TRIM69: variants seen among roughly 807,000 people sequenced by gnomAD.
The protein encoded by TRIM69 is E3 ubiquitin-protein ligase TRIM69.
Under a neutral mutation model 37.7 loss-of-function variants are expected in TRIM69, and 29 were observed. The ratio of observed to expected loss-of-function variants is 0.77; its 90% CI spans 0.57 to 1.05. The LOEUF is 1.05. TRIM69 is among the 50% of genes least tolerant of loss of function. TRIM69 has a pLI of 0.00. For missense variants in TRIM69, 596 were observed against 579.9 expected (o/e 1.03, Z -0.28); for synonymous variants, 209 against 212.4 (o/e 0.98, Z 0.14).
intron 1 of TRIM69, 109 bp downstream of exon 1, chr15:44,736,819 G>C (rs1028972861): frequency 7.5e-7 from 1 of 1,334,590 alleles, no homozygotes; most frequent in African/African-American, 1.5e-5. Context: ...AATTCATGAA[G>C]GGAAGTATTT....
At chr15:44,742,773 C>T (rs1419269472) in intron 1 of TRIM69, among the ~76,000 whole-genome samples, 1 of 148,642 alleles carries the variant, frequency 6.7e-6, no homozygotes, top group Non-Finnish European at 1.5e-5. Flanking sequence ...TGAATGACCT[C>T]TTCAAGGAGA....
At chr15:44,738,050 C>CTTTTTTTTTTTTTT (rs772041054) in intron 1 of TRIM69, among the ~76,000 whole-genome samples, 3 of 118,018 alleles carry the variant, frequency 2.5e-5, no homozygotes, top group African/African-American at 1.0e-4. Flanking sequence ...TACTTTCTTT[C>CTTTTTTTTTTTTTT]TTTCTTTTTT....
chr15:44,765,990 C>T (rs2087880018), intron 6 of TRIM69, among the ~76,000 whole-genome samples: 1 of 152,128 alleles, frequency 6.6e-6, no homozygotes, highest in African/African-American at 2.4e-5. Flanking sequence ...AGCTTTCAAC[C>T]TCTCTTCATT....
chr15:44,743,045 T>C (rs1388556571), intron 1 of TRIM69, among the ~76,000 whole-genome samples: 2 of 151,906 alleles, frequency 1.3e-5, no homozygotes, highest in Non-Finnish European at 1.5e-5. Context: ...AGAGGCATCA[T>C]GCTACCTGAC....
chr15:44,767,254 C>T lies in TRIM69; in HGVS notation c.985C>T (p.Pro329Ser), dbSNP rs758490016. 2.5e-6 allele frequency: 4 copies of T among 1,613,554 alleles called. No individual in the cohort carries two copies. Among genetic ancestry groups the T allele is most frequent in the Non-Finnish European group, 3.4e-6 (4 of 1,179,898 alleles). Residue 329 changes from proline to serine, a missense_variant, in exon 7 of 7, where the codon CCT (proline) becomes TCT (serine). Transcript: ENST00000329464. ...CPGLSPLTLD[P>S]KTAHPNLVLS... is the part of the protein sequence containing the mutation. ...AGGCCTGTCTCCACTAACTCTGGAC[C>T]CTAAAACAGCTCACCCAAATCTGGT...
intron 6 of TRIM69, among the ~76,000 whole-genome samples, chr15:44,761,094 A>G (rs563294599): frequency 6.0e-5 from 9 of 150,802 alleles, no homozygotes; most frequent in African/African-American, 2.0e-4. Flanking sequence ...ATTTTTTTAT[A>G]TTTTCAGTAG....
chr15:44,765,231 A>C (rs936746897), intron 6 of TRIM69, among the ~76,000 whole-genome samples: 1 of 152,232 alleles, frequency 6.6e-6, no homozygotes, highest in Non-Finnish European at 1.5e-5. Context: ...GAGGACAAAA[A>C]GCTGACTCAT....
chr15:44,739,466 C>T (rs1160684964), intron 1 of TRIM69, among the ~76,000 whole-genome samples: 1 of 152,242 alleles, frequency 6.6e-6, no homozygotes, highest in African/African-American at 2.4e-5. Context: ...AGGGAGGTCC[C>T]TTTCCTAGTC....
intron 6 of TRIM69, 107 bp downstream of exon 6, chr15:44,759,979 G>A: frequency 7.3e-7 from 1 of 1,365,046 alleles, no homozygotes; most frequent in Non-Finnish European, 1.0e-6. Flanking sequence ...GGATAGGGAA[G>A]GGGTACAGTT....
At chr15:44,757,221 A>G (rs2087669493) in intron 3 of TRIM69, 1 of 152,182 alleles carries the variant, frequency 6.6e-6, no homozygotes. Context: ...TTTAACAAAT[A>G]TTTATTGAGT....
chr15:44,754,917 C>T lies in TRIM69; in HGVS notation c.24C>T (p.Ser8=). 6.2e-7 allele frequency: 1 copy of T among 1,612,122 alleles called. No homozygotes were observed. The highest frequency in any genetic ancestry group is 1.1e-5 in the South Asian group (1 of 90,912). ...TTCTAAAGGTATCCACCAACCCCTC[C>T]TCCAACATCGATCCAGGCGACTATG... MEVSTNP[S]SNIDPGDYVE... Residue 8 remains serine (S), a synonymous_variant, in exon 2 of 7, where the codon TCC becomes TCT. Transcript: ENST00000329464.
In TRIM69 at chr15:44,736,775, T is replaced by C. The variant is rs1270858532; in HGVS notation, c.6+65T>C. Reference sequence around the variant, plus strand: ...AGGAATAGTGTGGAAAACAGGATCATAGAAGAGGATATGGATTTAGGAGCA... The same window carrying C: ...AGGAATAGTGTGGAAAACAGGATCACAGAAGAGGATATGGATTTAGGAGCA... On this transcript the variant is annotated intron_variant, in intron 1 of 6. Transcript: ENST00000329464. The C allele has an allele frequency of 4.4e-6, 7 of 1,576,352 alleles. No individual in the cohort carries two copies. The East Asian group carries it at 6.7e-5, about 15-fold the overall frequency.
chr15:44,767,061 A>AAAAAAAAAAAAAAAAAAAAAAG (rs2087907455), intron 6 of TRIM69, among the ~76,000 whole-genome samples, 170 bp from the exon 7 acceptor site: 1 of 131,616 alleles, frequency 7.6e-6, no homozygotes, highest in Non-Finnish European at 1.6e-5. Context: ...CTCAAAAAAA[A>AAAAAAAAAAAAAAAAAAAAAAG]AAAAAAAAAA....
intron 1 of TRIM69, among the ~76,000 whole-genome samples, chr15:44,739,733 G>T (rs1047497383): frequency 6.6e-6 from 1 of 151,806 alleles, no homozygotes; most frequent in African/African-American, 2.4e-5. Context: ...CGGGAAGCTC[G>T]AACTGGGTGG....
chr15:44,760,980 C>T (rs897395922), intron 6 of TRIM69, among the ~76,000 whole-genome samples: 1 of 150,974 alleles, frequency 6.6e-6, no homozygotes, highest in Admixed American at 6.6e-5. Flanking sequence ...TGCAGTGGTG[C>T]CATCTCTGCT....
chr15:44,761,209 C>T (rs577658283), intron 6 of TRIM69, among the ~76,000 whole-genome samples: 41 of 152,256 alleles, frequency 2.7e-4, no homozygotes, highest in Non-Finnish European at 5.1e-4. Context: ...TGAGCCACTG[C>T]GCCAGGCCGC....
chr15:44,759,392 C>T (rs982176098), intron 4 of TRIM69, among the ~76,000 whole-genome samples: 1 of 152,148 alleles, frequency 6.6e-6, no homozygotes, highest in Non-Finnish European at 1.5e-5. Flanking sequence ...ATAGCTTAAC[C>T]TTAAGTATTG....
At chr15:44,740,495 T>A (rs943692321) in intron 1 of TRIM69, among the ~76,000 whole-genome samples, 1 of 152,180 alleles carries the variant, frequency 6.6e-6, no homozygotes, top group African/African-American at 2.4e-5. Flanking sequence ...AGAATTTAGA[T>A]GAATGTATAA....
intron 1 of TRIM69, among the ~76,000 whole-genome samples, chr15:44,742,134 T>A (rs1388689373): frequency 6.6e-6 from 1 of 151,188 alleles, no homozygotes; most frequent in Non-Finnish European, 1.5e-5. Flanking sequence ...CAAGTGGGCT[T>A]CATCCCTGGG....
Sources: gnomAD v4.1 joint callset for allele counts (sites outside exome capture counted in the v4.1 genomes callset) on GRCh38, gnomAD v4.1.1 for gene constraint, MANE v1.5 for transcripts, NCBI Gene and HGNC (gene_info 2026-07-23, HGNC 2026-07-21) for gene names.